GLIS3: variants seen among roughly 807,000 people sequenced by gnomAD.
GLIS3 encodes the protein GLIS family zinc finger 3, also known as zinc finger protein GLIS3.
GLIS3 carries 53 observed loss-of-function variants against 78.6 expected under a neutral mutation model. The ratio of observed to expected loss-of-function variants is 0.67; its 90% CI spans 0.54 to 0.85. GLIS3 has a LOEUF of 0.85. Ranked by LOEUF, GLIS3 falls within the 40% of genes least tolerant of loss-of-function variation. GLIS3 has a pLI of 0.00. For synonymous variants in GLIS3, 684 were observed against 509.9 expected, an observed-to-expected ratio of 1.34 and a Z score of -4.60; for missense variants, 1,703 against 1,231.1, an observed-to-expected ratio of 1.38 and a Z score of -5.74.
chr9:4,420,041 T>G, the GLIS3 span, among the ~76,000 whole-genome samples: 2 of 152,194 alleles, frequency 1.3e-5, no homozygotes, highest in African/African-American at 4.8e-5. Context: ...ATGGGGAATT[T>G]AGAGCAATGT....
intron 2 of GLIS3, among the ~76,000 whole-genome samples, chr9:4,240,708 C>G (rs1315055128): frequency 6.6e-6 from 1 of 152,114 alleles, no homozygotes; most frequent in African/African-American, 2.4e-5. Context: ...TAACATAGTC[C>G]TGTTCATCAA....
chr9:3,976,588 T>G (rs1818805693), intron 4 of GLIS3, among the ~76,000 whole-genome samples: 1 of 151,276 alleles, frequency 6.6e-6, no homozygotes, highest in Non-Finnish European at 1.5e-5. Flanking sequence ...TGAAGAAACC[T>G]CTAATGAATT....
intron 6 of GLIS3, among the ~76,000 whole-genome samples, chr9:3,910,940 C>G (rs1033009397): frequency 6.6e-6 from 1 of 152,154 alleles, no homozygotes; most frequent in African/African-American, 2.4e-5. Context: ...GCTCAATGGC[C>G]TACATGTAAA....
chr9:4,332,024 C>T (rs551686139), intron 2 of GLIS3, among the ~76,000 whole-genome samples: 10 of 152,244 alleles, frequency 6.6e-5, no homozygotes, highest in Non-Finnish European at 1.0e-4. Flanking sequence ...AGACAGAAAC[C>T]TGTTATCCCT....
intron 4 of GLIS3, among the ~76,000 whole-genome samples, chr9:4,067,658 G>A (rs903349863): frequency 1.3e-5 from 2 of 152,098 alleles, no homozygotes; most frequent in Non-Finnish European, 2.9e-5. Context: ...CACTCACAAA[G>A]GGGGAACTCC....
intron 2 of GLIS3, among the ~76,000 whole-genome samples, chr9:4,313,620 C>A (rs1283767048): frequency 6.6e-6 from 1 of 152,166 alleles, no homozygotes; most frequent in Admixed American, 6.5e-5. Context: ...TGGCAGTATC[C>A]CCTGCCCAAT....
chr9:4,348,589 A>G (rs1200292879), upstream of GLIS3, among the ~76,000 whole-genome samples: 1 of 152,242 alleles, frequency 6.6e-6, no homozygotes, highest in Non-Finnish European at 1.5e-5. Context: ...GACATAATAT[A>G]GTCCCATTTA....
intron 2 of GLIS3, among the ~76,000 whole-genome samples, chr9:4,319,465 A>T (rs982238768): frequency 6.6e-6 from 1 of 152,164 alleles, no homozygotes. Flanking sequence ...CTAAGAAATG[A>T]TTTTAAACAT....
At chr9:4,351,727 ACT>A (rs1409200576), upstream of GLIS3, among the ~76,000 whole-genome samples, 1 of 152,104 alleles carries the variant, frequency 6.6e-6, no homozygotes, top group African/African-American at 2.4e-5. Flanking sequence ...TACCCAAAGG[ACT>A]CTCTGTCACT....
At chr9:4,122,060 G>C (rs1388627840) in intron 3 of GLIS3, among the ~76,000 whole-genome samples, 1 of 152,166 alleles carries the variant, frequency 6.6e-6, no homozygotes, top group East Asian at 1.9e-4. Context: ...AAAAGGAAAG[G>C]AGATATATCT....
chr9:3,891,902 T>C (rs967666404), intron 7 of GLIS3, among the ~76,000 whole-genome samples: 5 of 152,176 alleles, frequency 3.3e-5, no homozygotes, highest in Non-Finnish European at 5.9e-5. Flanking sequence ...TGAACCAGCC[T>C]GAGGAGCAAA....
At chr9:3,986,282 C>T (rs1005108040) in intron 4 of GLIS3, among the ~76,000 whole-genome samples, 17 of 152,100 alleles carry the variant, frequency 1.1e-4, no homozygotes, top group African/African-American at 3.6e-4. Flanking sequence ...CCATCATGAC[C>T]GAAAAATAAA....
intron 4 of GLIS3, among the ~76,000 whole-genome samples, chr9:4,038,683 G>A (rs1251338139): frequency 6.6e-6 from 1 of 152,156 alleles, no homozygotes; most frequent in Non-Finnish European, 1.5e-5. Context: ...TGGCCCTTTG[G>A]TAAGTGACAT....
chr9:4,360,146 T>C, the GLIS3 span, among the ~76,000 whole-genome samples: 1 of 152,180 alleles, frequency 6.6e-6, no homozygotes, highest in African/African-American at 2.4e-5. Flanking sequence ...CAAACCATGC[T>C]ATTTGTTCTG....
intron 2 of GLIS3, among the ~76,000 whole-genome samples, chr9:4,253,165 T>C (rs1190803598): frequency 6.6e-6 from 1 of 152,202 alleles, no homozygotes; most frequent in Non-Finnish European, 1.5e-5. Context: ...GCTGCTCTCT[T>C]CAGAGCCGGC....
At chr9:4,306,264 G>GC (rs974526073) in intron 4 of GLIS3, among the ~76,000 whole-genome samples, 2 of 151,444 alleles carry the variant, frequency 1.3e-5, no homozygotes, top group Non-Finnish European at 2.9e-5. Context: ...TAGAGGCAGG[G>GC]GGGTCTCGCT....
intron 4 of GLIS3, among the ~76,000 whole-genome samples, chr9:3,963,055 C>T (rs528572945): frequency 2.6e-5 from 4 of 151,216 alleles, no homozygotes; most frequent in South Asian, 4.2e-4. Context: ...GGCTCAAAAA[C>T]GAAAAGGACA....
intron 2 of GLIS3, among the ~76,000 whole-genome samples, chr9:4,147,976 G>GT (rs1834360890): frequency 6.6e-6 from 1 of 152,138 alleles, no homozygotes; most frequent in Non-Finnish European, 1.5e-5. Context: ...TAATAGCTAC[G>GT]TATGTATTAT....
At chr9:4,041,253 G>T (rs1411708510) in intron 4 of GLIS3, among the ~76,000 whole-genome samples, 1 of 152,164 alleles carries the variant, frequency 6.6e-6, no homozygotes, top group Non-Finnish European at 1.5e-5. Flanking sequence ...AAGGGGGTGG[G>T]AGTGGAAGTT....
Sources: allele counts gnomAD v4.1 joint callset (sites outside exome capture counted in the v4.1 genomes callset), GRCh38; gene constraint gnomAD v4.1.1; transcripts MANE v1.5; gene names NCBI Gene and HGNC (gene_info 2026-07-23, HGNC 2026-07-21).